The following ABCB4 variants were observed in gnomAD, a reference collection of about 807,000 sequenced individuals.
The protein encoded by ABCB4 is ATP binding cassette subfamily B member 4, also known as phosphatidylcholine translocator ABCB4.
A neutral mutation model predicts 145.7 loss-of-function variants in ABCB4; 76 were observed. That is an observed-to-expected ratio of 0.52 (90% CI 0.43 to 0.63). ABCB4 has a LOEUF of 0.63. ABCB4 is among the 30% of genes least tolerant of loss of function. ABCB4 has a pLI of 0.00. For synonymous variants in ABCB4, 517 were observed against 566.8 expected (o/e 0.91, Z 1.25); for missense variants, 1,234 against 1,553.1 (o/e 0.79, Z 3.45).
At chr7:87,456,774 T>C (rs17149641) in intron 4 of ABCB4, among the ~76,000 whole-genome samples, 34,790 of 151,828 alleles carry the variant, frequency 0.23, 5,314 homozygotes, top group African/African-American at 0.44. Flanking sequence ...TCTCAGAGTC[T>C]CAAGAATGGA....
chr7:87,439,831 C>T lies in ABCB4; in HGVS notation c.1567G>A (p.Asp523Asn), dbSNP rs1400551662. ...EFIMKLPQKFDTLVGERGAQL... is the reference protein window; with the variant it reads ...EFIMKLPQKFNTLVGERGAQL... ...GCCCCTCTCTCTCCAACCAGGGTGTCAAATTTCTAACACAGAAAACATGGA... is the reference window on the plus strand; with the variant it reads ...GCCCCTCTCTCTCCAACCAGGGTGTTAAATTTCTAACACAGAAAACATGGA... Residue 523 changes from aspartate to asparagine, a missense_variant, in exon 14 of 28, where the codon GAC (aspartate) becomes AAC (asparagine). Physicochemically the swap from Asp to Asn is conservative, Grantham distance 23. Transcript: ENST00000649586. 6.2e-7 allele frequency: 1 copy of T among 1,613,966 alleles called. No individual in the cohort carries two copies. Among genetic ancestry groups the T allele is most frequent in the Non-Finnish European group, 8.5e-7 (1 of 1,180,014 alleles).
intron 4 of ABCB4, among the ~76,000 whole-genome samples, chr7:87,457,423 T>C (rs533878370): frequency 2.0e-5 from 3 of 152,204 alleles, no homozygotes; most frequent in African/African-American, 7.2e-5. Flanking sequence ...AAAGAAAAAG[T>C]ACCCTGGTTG....
chr7:87,465,051 C>T (rs889311878), intron 3 of ABCB4, among the ~76,000 whole-genome samples: 1 of 152,150 alleles, frequency 6.6e-6, no homozygotes, highest in African/African-American at 2.4e-5. Flanking sequence ...TGCAGCGCAC[C>T]GAGCATGAGC....
chr7:87,383,725 G>C, the ABCB4 span, among the ~76,000 whole-genome samples: 1 of 152,106 alleles, frequency 6.6e-6, no homozygotes, highest in East Asian at 1.9e-4. Flanking sequence ...TCTAACTCCT[G>C]AGCTCAGGTG....
intron 26 of ABCB4, 51 bp downstream of exon 26, chr7:87,406,237 T>C (rs1451139829): frequency 1.3e-6 from 2 of 1,570,728 alleles, no homozygotes; most frequent in Admixed American, 1.7e-5. Context: ...TTGGTAATTG[T>C]TTGGGGGATA....
intron 17 of ABCB4, among the ~76,000 whole-genome samples, chr7:87,422,619 T>C (rs907816643): frequency 2.0e-5 from 3 of 152,162 alleles, no homozygotes; most frequent in African/African-American, 7.2e-5. Context: ...TGTGAGTGGT[T>C]GCACATTTTA....
intron 10 of ABCB4, 96 bp downstream of exon 10, chr7:87,444,766 T>C (rs1249376370): frequency 3.5e-6 from 3 of 848,964 alleles, no homozygotes; most frequent in Non-Finnish European, 5.7e-6. Context: ...GTACAACTTA[T>C]TCAATGTAGT....
chr7:87,416,431 G>C (rs902088701), intron 21 of ABCB4, among the ~76,000 whole-genome samples: 2 of 152,124 alleles, frequency 1.3e-5, no homozygotes. Flanking sequence ...AAAGTGCAAT[G>C]CTATAAAACC....
At chr7:87,398,819 A>G (rs1338072031), downstream of ABCB4, 4 of 630,304 alleles carry the variant, frequency 6.3e-6, no homozygotes, top group African/African-American at 5.5e-5. Flanking sequence ...TTATTCTGCC[A>G]TAGAAGGTAG....
At chr7:87,393,186 G>GT in the ABCB4 span, 1 of 1,141,504 alleles carries the variant, frequency 8.8e-7, no homozygotes, top group Non-Finnish European at 1.2e-6. Context: ...TGCTACATAA[G>GT]TAACTATTTT....
chr7:87,425,444 A>T (rs1359217027), intron 16 of ABCB4, among the ~76,000 whole-genome samples: 1 of 152,204 alleles, frequency 6.6e-6, no homozygotes, highest in African/African-American at 2.4e-5. Flanking sequence ...CTATAAATAT[A>T]CCAAGATTAA....
intron 14 of ABCB4, among the ~76,000 whole-genome samples, chr7:87,438,755 C>T (rs1810779675): frequency 6.6e-6 from 1 of 152,020 alleles, no homozygotes; most frequent in African/African-American, 2.4e-5. Flanking sequence ...TCTTAAAAAA[C>T]AACAAAAAGA....
rs1359853857 is a variant in ABCB4, at chr7:87,423,934, A to T, written c.2183T>A (p.Phe728Tyr). Residue 728 changes from phenylalanine (F) to tyrosine (Y), a missense_variant, in exon 17 of 28, where the codon TTT becomes TAT. Physicochemically the swap from Phe to Tyr is conservative, Grantham distance 22. Transcript: ENST00000649586. ...AIANGGLQPA[F>Y]SVIFSEIIAI... ...TATGATCTCTGAGAATATGACTGAA[A>T]ATGCCGGCTGAAGCCCCCCATTGGC... 6.2e-7 allele frequency: 1 copy of T among 1,614,096 alleles called. No individual in the cohort carries two copies. The highest frequency in any genetic ancestry group is 8.5e-7 in the Non-Finnish European group (1 of 1,179,970).
intron 4 of ABCB4, among the ~76,000 whole-genome samples, chr7:87,460,689 C>T (rs905939161): frequency 9.2e-5 from 14 of 151,738 alleles, no homozygotes; most frequent in Admixed American, 2.6e-4. Flanking sequence ...CTTGCACTGT[C>T]GCCCAGGCTG....
chr7:87,390,536 A>C, the ABCB4 span, among the ~76,000 whole-genome samples: 1 of 152,240 alleles, frequency 6.6e-6, no homozygotes. Context: ...AACACTGAAC[A>C]GAAGAGGCTT....
intron 25 of ABCB4, among the ~76,000 whole-genome samples, chr7:87,407,543 G>A (rs1402151099): frequency 1.3e-5 from 2 of 152,170 alleles, no homozygotes. Context: ...AGAGAGCCAC[G>A]GGGCTACATG....
At chr7:87,462,936 A>T in intron 3 of ABCB4, 28 bp from the exon 4 acceptor site, 1 of 1,600,802 alleles carries the variant, frequency 6.2e-7, no homozygotes, top group Non-Finnish European at 8.6e-7. Context: ...AATAATACTT[A>T]GCTGTGGAAT....
At chr7:87,403,791 A>T (rs1248604953) in intron 26 of ABCB4, among the ~76,000 whole-genome samples, 1 of 152,236 alleles carries the variant, frequency 6.6e-6, no homozygotes, top group African/African-American at 2.4e-5. Flanking sequence ...AAATGTTGTT[A>T]TGTAACACAG....
intron 15 of ABCB4, among the ~76,000 whole-genome samples, chr7:87,430,060 G>A (rs149676382): frequency 6.6e-6 from 1 of 152,278 alleles, no homozygotes; most frequent in East Asian, 1.9e-4. Flanking sequence ...CTCATGGTAG[G>A]TTTGGTATTC....
Sources: allele counts gnomAD v4.1 joint callset (sites outside exome capture counted in the v4.1 genomes callset), GRCh38; gene constraint gnomAD v4.1.1; transcripts MANE v1.5; gene names NCBI Gene and HGNC (gene_info 2026-07-23, HGNC 2026-07-21).